Variants in TMOD3 observed in about 807,000 individuals in gnomAD.
TMOD3 encodes the protein tropomodulin-3.
A neutral mutation model predicts 39.2 loss-of-function variants in TMOD3; 20 were observed. The observed-to-expected ratio is 0.51, with a 90% CI of 0.36 to 0.74. The LOEUF is 0.74. Ranked by LOEUF, TMOD3 falls within the 30% of genes least tolerant of loss-of-function variation. The pLI is 0.00. For synonymous variants in TMOD3, 143 were observed against 145.8 expected, an observed-to-expected ratio of 0.98 and a Z score of 0.14; for missense variants, 381 against 412.8, an observed-to-expected ratio of 0.92 and a Z score of 0.67.
At chr15:51,887,915 T>C (rs536396737) in intron 4 of TMOD3, among the ~76,000 whole-genome samples, 1 of 152,270 alleles carries the variant, frequency 6.6e-6, no homozygotes, top group African/African-American at 2.4e-5. Context: ...GCAAAATGTT[T>C]ATATTAAGAA....
chr15:51,894,858 A>G (rs572550862), intron 6 of TMOD3, among the ~76,000 whole-genome samples: 1 of 152,276 alleles, frequency 6.6e-6, no homozygotes, highest in Admixed American at 6.5e-5. Flanking sequence ...TTGTGTGAAC[A>G]TGTTTTAAAT....
At position 51,861,728 on chromosome 15, in the gene TMOD3, G is replaced by T. The variant is rs146564255; in HGVS notation, c.-74-1083G>T. Among the ~76,000 whole-genome samples the T allele has an allele frequency of 3.8e-3, 580 of 150,966 alleles. 5 individuals are homozygous for T. Among genetic ancestry groups the T allele is most frequent in the African/African-American group, 0.014 (565 of 40,990 alleles). ...GCTAGAGTGTAAAGGCACGATCTTG[G>T]CTCACTGCAACCTCTGCCTCCTGGG... is the stretch of plus-strand genomic sequence containing the variant. On this transcript the variant is annotated intron_variant, in intron 1 of 9. Transcript: ENST00000308580.
chr15:51,891,648 C>A (rs1405688129), intron 5 of TMOD3, among the ~76,000 whole-genome samples: 2 of 152,146 alleles, frequency 1.3e-5, no homozygotes, highest in Middle Eastern at 3.2e-3. Context: ...GATTTCTCTC[C>A]CCATTCCATC....
chr15:51,884,296 A>G (rs2056548878), intron 3 of TMOD3, among the ~76,000 whole-genome samples: 1 of 152,260 alleles, frequency 6.6e-6, no homozygotes, highest in Non-Finnish European at 1.5e-5. Flanking sequence ...GCAGGGATGA[A>G]CAGAACATAG....
chr15:51,852,400 C>G (rs1384350667), intron 1 of TMOD3, among the ~76,000 whole-genome samples: 2 of 151,302 alleles, frequency 1.3e-5, no homozygotes, highest in African/African-American at 4.9e-5. Context: ...CCTGGTGTCT[C>G]CTGAAGAGGA....
intron 1 of TMOD3, among the ~76,000 whole-genome samples, chr15:51,830,266 G>T (rs1172291533): frequency 1.3e-5 from 2 of 152,260 alleles, no homozygotes; most frequent in East Asian, 3.9e-4. Flanking sequence ...GAGTGGGGGA[G>T]CCAAAACTTA....
intron 3 of TMOD3, among the ~76,000 whole-genome samples, chr15:51,877,196 G>A (rs1485784858): frequency 1.3e-5 from 2 of 152,020 alleles, no homozygotes; most frequent in South Asian, 4.1e-4. Context: ...TTGATAGACC[G>A]ATTTTTTTTC....
intron 7 of TMOD3, 31 bp from the exon 8 acceptor site, chr15:51,900,124 T>G (rs1212677273): frequency 1.2e-6 from 2 of 1,608,350 alleles, no homozygotes; most frequent in Non-Finnish European, 1.7e-6. Flanking sequence ...GTATCAAATT[T>G]TAATCTCTTA....
chr15:51,874,138 C>A (rs780590170), intron 3 of TMOD3, among the ~76,000 whole-genome samples: 13 of 152,216 alleles, frequency 8.5e-5, no homozygotes, highest in Non-Finnish European at 1.3e-4. Context: ...TTTAGTTTTT[C>A]CTTTTGACCA....
At chr15:51,858,477 A>G (rs1430532136) in intron 1 of TMOD3, 1 of 152,134 alleles carries the variant, frequency 6.6e-6, no homozygotes, top group African/African-American at 2.4e-5. Context: ...AGAGGTGCCA[A>G]TAAAACAGGT....
chr15:51,892,050 C>T (rs568626750), intron 5 of TMOD3, among the ~76,000 whole-genome samples: 2 of 148,940 alleles, frequency 1.3e-5, no homozygotes, highest in East Asian at 4.0e-4. Flanking sequence ...AAACCTTCAT[C>T]TAAGTTGATC....
At chr15:51,866,524 A>G (rs185605076) in intron 2 of TMOD3, among the ~76,000 whole-genome samples, 2 of 151,988 alleles carry the variant, frequency 1.3e-5, no homozygotes, top group East Asian at 3.9e-4. Context: ...AGAAAGAAAG[A>G]AAAAAAAGGC....
intron 3 of TMOD3, among the ~76,000 whole-genome samples, chr15:51,870,990 A>G (rs1284387381): frequency 6.6e-6 from 1 of 152,180 alleles, no homozygotes; most frequent in South Asian, 2.1e-4. Context: ...CACATTATGG[A>G]GGTTAATTGG....
chr15:51,890,727 A>G (rs1438812378), intron 5 of TMOD3, among the ~76,000 whole-genome samples: 2 of 152,214 alleles, frequency 1.3e-5, no homozygotes, highest in African/African-American at 4.8e-5. Context: ...ATATGTATAC[A>G]TCTACATCAT....
intron 2 of TMOD3, among the ~76,000 whole-genome samples, chr15:51,868,743 G>A (rs1329237418): frequency 6.6e-6 from 1 of 152,178 alleles, no homozygotes; most frequent in East Asian, 1.9e-4. Context: ...CAGCCGAGGA[G>A]GGCAGATCAT....
intron 1 of TMOD3, chr15:51,861,003 C>T (rs2056415224): frequency 3.1e-6 from 2 of 640,046 alleles, no homozygotes; most frequent in Non-Finnish European, 2.7e-6. Flanking sequence ...TGCTGAGGCA[C>T]TTCGGAAAAC....
rs539129614 is a variant in TMOD3 at position 51,874,233 on chromosome 15, TAA to T, written c.283+4861_283+4862del. 5.6e-4 allele frequency among the ~76,000 whole-genome samples: 86 copies of T among 152,286 alleles called. 1 individual carries two copies. Among genetic ancestry groups the T allele is most frequent in the African/African-American group, 2.0e-3 (83 of 41,546 alleles). ...AGAAACCTGATAGACTGAGGACACT[TAA>T]GAGTTATTATATGTAAATCCATTAA... On this transcript the variant is annotated intron_variant, in intron 3 of 9. Transcript: ENST00000308580.
chr15:51,859,827 G>T, intron 1 of TMOD3: 1 of 515,364 alleles, frequency 1.9e-6, no homozygotes, highest in Non-Finnish European at 4.0e-6. Context: ...CTTTCCTCAG[G>T]AAGTTATGGC....
chr15:51,889,241 T>C (rs891438693), intron 5 of TMOD3, 96 bp downstream of exon 5: 1 of 754,486 alleles, frequency 1.3e-6, no homozygotes, highest in Admixed American at 2.6e-5. Flanking sequence ...CTAGATGTTA[T>C]ATATATGTAC....
Sources: allele counts gnomAD v4.1 joint callset (sites outside exome capture counted in the v4.1 genomes callset), GRCh38; gene constraint gnomAD v4.1.1; transcripts MANE v1.5; gene names NCBI Gene and HGNC (gene_info 2026-07-23, HGNC 2026-07-21).